The following UQCRC1 variants were observed in gnomAD, a reference collection of about 807,000 sequenced individuals.
UQCRC1 encodes the protein cytochrome b-c1 complex subunit 1, mitochondrial.
Under a neutral mutation model 58.0 loss-of-function variants are expected in UQCRC1, and 34 were observed. The ratio of observed to expected loss-of-function variants is 0.59; its 90% CI spans 0.45 to 0.78. The LOEUF (loss-of-function observed/expected upper bound fraction) is 0.78, where lower values mean the gene tolerates loss of function less well. Ranked by LOEUF, UQCRC1 falls within the 30% of genes least tolerant of loss-of-function variation. The pLI is 0.00. For synonymous variants in UQCRC1, 276 were observed against 248.8 expected, an observed-to-expected ratio of 1.11 and a Z score of -1.03; for missense variants, 610 against 646.0, an observed-to-expected ratio of 0.94 and a Z score of 0.60.
chr3:48,601,655 C>T (rs577856363), intron 6 of UQCRC1, among the ~76,000 whole-genome samples, 188 bp from the exon 7 acceptor site: 8 of 152,314 alleles, frequency 5.3e-5, no homozygotes, highest in Admixed American at 4.6e-4. Flanking sequence ...AGGACAGGCA[C>T]CTCAGGGCCA....
intron 10 of UQCRC1, 59 bp from the exon 11 acceptor site, chr3:48,600,210 CACAA>C (rs1395503048): frequency 2.6e-5 from 41 of 1,569,930 alleles, no homozygotes; most frequent in South Asian, 2.0e-4. Flanking sequence ...CCCACAGGTA[CACAA>C]ACAATCTCCA....
chr3:48,599,198 G>A lies in UQCRC1; in HGVS notation c.1379-6C>T, dbSNP rs1575511193. On this transcript the variant is annotated splice_region_variant and splice_polypyrimidine_tract_variant and intron_variant, in intron 12 of 12. Coordinates refer to ENST00000203407, the MANE Select transcript of UQCRC1 (RefSeq NM_003365.3). ...TGGGAGCTGCTCAATGGGGCCTGTGGGGATAGGGTGGAGCGTCAGGGTGGG... is the reference window on the plus strand; with the variant it reads ...TGGGAGCTGCTCAATGGGGCCTGTGAGGATAGGGTGGAGCGTCAGGGTGGG... The A allele has an allele frequency of 1.3e-6, 2 of 1,597,324 alleles. No individual in the cohort carries two copies. The highest frequency in any genetic ancestry group is 1.7e-5 in the Admixed American group (1 of 59,038).
At chr3:48,599,400 G>A (rs973461155) in intron 12 of UQCRC1, 10 of 692,478 alleles carry the variant, frequency 1.4e-5, no homozygotes, top group African/African-American at 3.6e-5. Context: ...GGAGGTGCCC[G>A]TTACCTGACG....
At chr3:48,599,956 CA>C (rs1355806701) in intron 11 of UQCRC1, 106 bp downstream of exon 11, 1 of 1,392,106 alleles carries the variant, frequency 7.2e-7, no homozygotes, top group African/African-American at 1.4e-5. Context: ...CCTAGGACAC[CA>C]GGGATGCCTA....
chr3:48,605,990 C>A (rs750247248), intron 2 of UQCRC1, 134 bp from the exon 3 acceptor site: 2 of 793,232 alleles, frequency 2.5e-6, no homozygotes, highest in African/African-American at 1.8e-5. Flanking sequence ...GCTGCCCCAG[C>A]AGGACCCCTG....
chr3:48,604,927 T>G (rs2046398070), intron 3 of UQCRC1, 147 bp from the exon 4 acceptor site: 1 of 1,200,384 alleles, frequency 8.3e-7, no homozygotes, highest in Admixed American at 2.4e-5. Context: ...AGAGTCTGTT[T>G]ACCAAGCACT....
At chr3:48,603,044 G>C (rs2046380252) in intron 6 of UQCRC1, among the ~76,000 whole-genome samples, 1 of 152,084 alleles carries the variant, frequency 6.6e-6, no homozygotes, top group Non-Finnish European at 1.5e-5. Flanking sequence ...CCTGCGCTCA[G>C]CTCCCCACAC....
In UQCRC1 at chr3:48,604,309, A is replaced by C. The variant is rs770766524; in HGVS notation, c.550T>G (p.Phe184Val). ...AATGCTGTGGCATGCAGGTAGTTAAAGACCACATCTCGCATAGATGCATCA... is the reference window on the plus strand; with the variant it reads ...AATGCTGTGGCATGCAGGTAGTTAACGACCACATCTCGCATAGATGCATCA... ...ENDASMRDVV[F>V]NYLHATAFQG... The change falls in exon 5 of 13, where the codon TTT becomes GTT. Residue 184 changes from phenylalanine to valine, a missense_variant. Physicochemically the swap from Phe to Val is conservative, Grantham distance 50. Coordinates refer to ENST00000203407, the MANE Select transcript of UQCRC1 (RefSeq NM_003365.3). 1.2e-6 allele frequency: 2 copies of C among 1,613,878 alleles called. No homozygotes were observed. The highest frequency in any genetic ancestry group is 8.5e-7 in the Non-Finnish European group (1 of 1,180,040).
intron 4 of UQCRC1, 103 bp downstream of exon 4, chr3:48,604,548 C>T: frequency 1.3e-6 from 2 of 1,589,852 alleles, no homozygotes; most frequent in East Asian, 2.2e-5. Context: ...AGCTGCAAAG[C>T]CATACGCTAA....
In UQCRC1 at chr3:48,600,533, C is replaced by A. The variant is rs1320488359; in HGVS notation, c.1162G>T (p.Val388Leu). ...RLCTSATESEVARGKNILRNA... is the reference protein window; with the variant it reads ...RLCTSATESELARGKNILRNA... Reference sequence around the variant, plus strand: ...CTGAGGATGTTTTTGCCCCGGGCCACCTCACTCTCCGTGGCACTGGTACAC... The same window carrying A: ...CTGAGGATGTTTTTGCCCCGGGCCAACTCACTCTCCGTGGCACTGGTACAC... Residue 388 changes from valine to leucine, a missense_variant, in exon 10 of 13, where the codon GTG (valine) becomes TTG (leucine). Transcript: ENST00000203407. 6.2e-7 allele frequency: 1 copy of A among 1,613,998 alleles called. No individual in the cohort carries two copies. The highest frequency in any genetic ancestry group is 1.3e-5 in the African/African-American group (1 of 74,886).
chr3:48,599,079 G>A lies in UQCRC1; in HGVS notation c.*49C>T. On this transcript the variant is annotated 3_prime_UTR_variant, in exon 13 of 13. Coordinates refer to ENST00000203407, the MANE Select transcript of UQCRC1 (RefSeq NM_003365.3). Reference sequence around the variant, plus strand: ...CGAAGTGCTGTGTTTGTGGTGGGGGGGGGACCACAAACCCCGGCCCTGCCC... The same window carrying A: ...CGAAGTGCTGTGTTTGTGGTGGGGGAGGGACCACAAACCCCGGCCCTGCCC... The A allele has an allele frequency of 1.2e-6, 2 of 1,600,804 alleles. No homozygotes were observed. Among genetic ancestry groups the A allele is most frequent in the Non-Finnish European group, 1.7e-6 (2 of 1,170,494 alleles).
chr3:48,602,610 T>TC lies in UQCRC1; in HGVS notation c.706+953dup, dbSNP rs1474273199. Among the ~76,000 whole-genome samples, 3 of 149,256 alleles carry TC rather than the reference T, an allele frequency of 2.0e-5. No individual in the cohort carries two copies. The East Asian group carries it at 6.0e-4, about 30-fold the overall frequency. ...CAATCTCAGCTCGCTGCAACCTCCG[T>TC]CCCCCGGGTTCAAGGGATTCTCCTG... On this transcript the variant is annotated intron_variant, in intron 6 of 12. Coordinates refer to ENST00000203407, the MANE Select transcript of UQCRC1 (RefSeq NM_003365.3).
At chr3:48,604,532 T>C in intron 4 of UQCRC1, 101 bp from the exon 5 acceptor site, 2 of 1,583,910 alleles carry the variant, frequency 1.3e-6, no homozygotes, top group African/African-American at 1.3e-5. Flanking sequence ...CCACCCCTAG[T>C]TGCCCAGCTG....
intron 11 of UQCRC1, 38 bp from the exon 12 acceptor site, chr3:48,599,748 AC>A (rs2046344794): frequency 6.3e-7 from 1 of 1,599,534 alleles, no homozygotes; most frequent in Non-Finnish European, 8.6e-7. Flanking sequence ...GCTAACGGGC[AC>A]CTGGCCACCA....
intron 2 of UQCRC1, among the ~76,000 whole-genome samples, chr3:48,607,187 G>A (rs1482842301): frequency 1.3e-5 from 2 of 152,076 alleles, no homozygotes; most frequent in Non-Finnish European, 2.9e-5. Context: ...AACTACAGGC[G>A]CCCGCCACCA....
intron 3 of UQCRC1, 42 bp downstream of exon 3, chr3:48,605,728 G>C: frequency 1.9e-6 from 3 of 1,587,888 alleles, no homozygotes; most frequent in Non-Finnish European, 2.6e-6. Flanking sequence ...AGGGACAACA[G>C]GCAGCCCTAA....
chr3:48,600,810 C>T lies in UQCRC1; in HGVS notation c.997G>A (p.Val333Met), dbSNP rs1250288453. ...HLSSPLASGA[V>M]ANKLCQSFQT... The stretch of plus-strand genomic sequence containing the variant: ...AAACTCTGGCATAGCTTGTTGGCCA[C>T]AGCACCTGAAGCCAGTGGGCTGGAC... Residue 333 changes from valine (V) to methionine (M), a missense_variant, in exon 9 of 13, where the codon GTG becomes ATG. Transcript: ENST00000203407. 6.2e-7 allele frequency: 1 copy of T among 1,614,078 alleles called. No homozygotes were observed. The highest frequency in any genetic ancestry group is 8.5e-7 in the Non-Finnish European group (1 of 1,180,026).
At chr3:48,601,321 G>A (rs1447985037) in intron 7 of UQCRC1, 31 bp downstream of exon 7, 2 of 1,611,328 alleles carry the variant, frequency 1.2e-6, no homozygotes, top group Admixed American at 1.7e-5. Flanking sequence ...GCCCCCAGCT[G>A]AGCACTACTC....
Position 48,600,806 on chromosome 3 carries a change from G to A in UQCRC1, c.1001C>T (p.Ala334Val), listed in dbSNP as rs939548148. ...LSSPLASGAV[A>V]NKLCQSFQTF... ...CTGGAAACTCTGGCATAGCTTGTTG[G>A]CCACAGCACCTGAAGCCAGTGGGCT... The change falls in exon 9 of 13, where the codon GCC (alanine) becomes GTC (valine). Residue 334 changes from alanine to valine, a missense_variant. Physicochemically the swap from Ala to Val is moderately conservative, Grantham distance 64 (BLOSUM62 0). Transcript: ENST00000203407. The A allele has an allele frequency of 6.2e-7, 1 of 1,614,040 alleles. No homozygotes were observed. Among genetic ancestry groups the A allele is most frequent in the Non-Finnish European group, 8.5e-7 (1 of 1,180,032 alleles).
Sources: gnomAD v4.1 joint callset for allele counts (sites outside exome capture counted in the v4.1 genomes callset) on GRCh38, gnomAD v4.1.1 for gene constraint, MANE v1.5 for transcripts, NCBI Gene and HGNC (gene_info 2026-07-23, HGNC 2026-07-21) for gene names.